The following CTNND2 variants were observed in gnomAD, a reference collection of about 807,000 sequenced individuals.
CTNND2 encodes the protein catenin delta-2.
In CTNND2, 22 loss-of-function variants were observed where a neutral mutation model predicts 144.4. That is an observed-to-expected ratio of 0.15 (90% CI 0.11 to 0.22). The LOEUF is 0.22. Among genes scored for constraint, CTNND2 ranks in the 10% least tolerant of loss-of-function variants. The pLI, the probability that CTNND2 is intolerant of heterozygous loss-of-function variation, is 1.00. For synonymous variants in CTNND2, 751 were observed against 695.6 expected (o/e 1.08, Z -1.25); for missense variants, 1,353 against 1,618.8 (o/e 0.84, Z 2.82).
intron 16 of CTNND2, among the ~76,000 whole-genome samples, chr5:11,061,420 G>A (rs1002544503): frequency 6.6e-6 from 1 of 152,238 alleles, no homozygotes; most frequent in East Asian, 1.9e-4. Context: ...AAGGTATCCC[G>A]CACTCACCAT....
At chr5:11,431,099 T>C (rs1763248871) in intron 3 of CTNND2, among the ~76,000 whole-genome samples, 1 of 152,232 alleles carries the variant, frequency 6.6e-6, no homozygotes, top group South Asian at 2.1e-4. Context: ...TATTCTTTAC[T>C]GAGGTTATAT....
chr5:11,050,207 C>T (rs1419933068), intron 16 of CTNND2, among the ~76,000 whole-genome samples: 1 of 152,022 alleles, frequency 6.6e-6, no homozygotes, highest in African/African-American at 2.4e-5. Flanking sequence ...TCTATTGGTC[C>T]CTAGGCCTTG....
chr5:11,291,991 C>A (rs971190906), intron 9 of CTNND2, among the ~76,000 whole-genome samples: 4 of 152,040 alleles, frequency 2.6e-5, no homozygotes, highest in African/African-American at 9.7e-5. Flanking sequence ...ACCCCATAGA[C>A]CCTGCTCCTC....
At chr5:11,338,408 C>T (rs539033769) in intron 9 of CTNND2, among the ~76,000 whole-genome samples, 3 of 152,186 alleles carry the variant, frequency 2.0e-5, no homozygotes, top group Non-Finnish European at 2.9e-5. Flanking sequence ...GATCCACACT[C>T]ACCTTCTGAA....
rs377536695 is a variant in CTNND2 at position 11,574,579 on chromosome 5, C to T, written c.175-9523G>A. On this transcript the variant is annotated intron_variant, in intron 2 of 21. Coordinates refer to ENST00000304623, the MANE Select transcript of CTNND2 (RefSeq NM_001332.4). ...CACTCTCTTTTATTTTAGTTTTCCTCGCCTGCCTGGAAATAAAATATTAGA... is the reference window on the plus strand; with the variant it reads ...CACTCTCTTTTATTTTAGTTTTCCTTGCCTGCCTGGAAATAAAATATTAGA... 1.2e-4 allele frequency among the ~76,000 whole-genome samples: 18 copies of T among 152,116 alleles called. 1 individual carries two copies. In the East Asian group the frequency reaches 1.9e-3, roughly 16 times the overall value.
At chr5:11,362,795 T>G (rs750502589) in intron 8 of CTNND2, among the ~76,000 whole-genome samples, 2 of 152,236 alleles carry the variant, frequency 1.3e-5, no homozygotes, top group Non-Finnish European at 2.9e-5. Context: ...TCATTCTGGA[T>G]AGCTCTCCAT....
chr5:11,244,180 C>T (rs113147899), intron 9 of CTNND2, among the ~76,000 whole-genome samples: 4,807 of 151,162 alleles, frequency 0.032, 119 homozygotes, highest in African/African-American at 0.064. Context: ...TTCTTGTTGA[C>T]CAAAGAGAAC....
At chr5:11,534,334 G>A (rs561718976) in intron 3 of CTNND2, among the ~76,000 whole-genome samples, 23 of 151,722 alleles carry the variant, frequency 1.5e-4, no homozygotes, top group East Asian at 7.8e-4. Context: ...CTGAGGGTGC[G>A]CCAGGTGACA....
intron 1 of CTNND2, among the ~76,000 whole-genome samples, chr5:11,770,522 CTGAA>C (rs1244720644): frequency 2.6e-5 from 4 of 151,980 alleles, no homozygotes; most frequent in African/African-American, 9.7e-5. Flanking sequence ...TATTTTTAAT[CTGAA>C]TGAATATTTC....
intron 12 of CTNND2, among the ~76,000 whole-genome samples, chr5:11,143,738 A>G (rs1322132403): frequency 1.3e-5 from 2 of 152,236 alleles, no homozygotes; most frequent in Admixed American, 6.5e-5. Flanking sequence ...CCTAATAAGG[A>G]GAGTGAATCA....
At chr5:11,229,645 C>T (rs936969395) in intron 10 of CTNND2, among the ~76,000 whole-genome samples, 8 of 143,394 alleles carry the variant, frequency 5.6e-5, no homozygotes, top group South Asian at 2.2e-4. Context: ...AGCCATATTG[C>T]GTGTGTGTGT....
chr5:11,332,535 T>C (rs1275797163), intron 9 of CTNND2, among the ~76,000 whole-genome samples: 1 of 152,200 alleles, frequency 6.6e-6, no homozygotes, highest in Non-Finnish European at 1.5e-5. Context: ...TACAGTTCCA[T>C]GGCATTAAGT....
chr5:11,743,410 G>A (rs182805590), intron 1 of CTNND2, among the ~76,000 whole-genome samples: 278 of 152,284 alleles, frequency 1.8e-3, no homozygotes, highest in Non-Finnish European at 2.2e-3. Context: ...TTTCGCTTCC[G>A]TCAACTACCT....
At chr5:11,615,660 C>T (rs540559861) in intron 2 of CTNND2, among the ~76,000 whole-genome samples, 1 of 152,288 alleles carries the variant, frequency 6.6e-6, no homozygotes, top group Non-Finnish European at 1.5e-5. Context: ...GAGGACAGGA[C>T]AATACGTAGA....
At chr5:11,402,792 C>T (rs2149824318) in intron 5 of CTNND2, among the ~76,000 whole-genome samples, 1 of 152,352 alleles carries the variant, frequency 6.6e-6, no homozygotes. Flanking sequence ...TTCTAAGCCT[C>T]TGTCTCCAGA....
At chr5:11,643,830 T>C (rs554113268) in intron 2 of CTNND2, among the ~76,000 whole-genome samples, 2 of 152,364 alleles carry the variant, frequency 1.3e-5, no homozygotes, top group Non-Finnish European at 2.9e-5. Context: ...TTTTATGTAT[T>C]GTAACATTTG....
intron 16 of CTNND2, among the ~76,000 whole-genome samples, chr5:11,076,976 G>T (rs904316082): frequency 2.0e-5 from 3 of 152,136 alleles, no homozygotes; most frequent in Admixed American, 1.3e-4. Flanking sequence ...AATTTATAGA[G>T]AAAAGAAACT....
At chr5:11,507,008 C>T (rs1771118280) in intron 3 of CTNND2, among the ~76,000 whole-genome samples, 1 of 152,168 alleles carries the variant, frequency 6.6e-6, no homozygotes, top group Non-Finnish European at 1.5e-5. Flanking sequence ...ACGTACTCTC[C>T]CAAATCTACA....
In CTNND2 at chr5:11,768,383, A is replaced by G. The variant is rs577244140; in HGVS notation, c.38-36111T>C. Among the ~76,000 whole-genome samples the G allele has an allele frequency of 6.6e-5, 10 of 152,250 alleles. No homozygotes were observed. In the South Asian group the frequency reaches 2.1e-3, roughly 32 times the overall value. ...CAGCTCACTGCAACCTCCACCTCCC[A>G]GGCTGAAGCAATTCTCCTGCCTCAG... is the stretch of plus-strand genomic sequence containing the variant. On this transcript the variant is annotated intron_variant, in intron 1 of 21. Transcript: ENST00000304623.
Sources: gnomAD v4.1 joint callset for allele counts (sites outside exome capture counted in the v4.1 genomes callset) on GRCh38, gnomAD v4.1.1 for gene constraint, MANE v1.5 for transcripts, NCBI Gene and HGNC (gene_info 2026-07-23, HGNC 2026-07-21) for gene names.